Variants in FANCM observed in about 807,000 individuals in gnomAD.
FANCM encodes the protein Fanconi anemia group M protein.
A neutral mutation model predicts 199.5 loss-of-function variants in FANCM; 140 were observed. The ratio of observed to expected loss-of-function variants is 0.70; its 90% confidence interval spans 0.61 to 0.81. The LOEUF is 0.81. Ranked by LOEUF, FANCM falls within the 30% of genes least tolerant of loss-of-function variation. The pLI, the probability that FANCM is intolerant of heterozygous loss-of-function variation, is 0.00. For synonymous variants in FANCM, 840 were observed against 836.8 expected, an observed-to-expected ratio of 1.00 and a Z score of -0.07; for missense variants, 2,410 against 2,421.4, an observed-to-expected ratio of 1.00 and a Z score of 0.10.
At chr14:45,181,557 A>G (rs1889071095) in intron 15 of FANCM, 33 bp downstream of exon 15, 2 of 1,517,522 alleles carry the variant, frequency 1.3e-6, no homozygotes, top group Non-Finnish European at 1.8e-6. Context: ...TAGTATAATC[A>G]TATCAAAGGC....
intron 18 of FANCM, among the ~76,000 whole-genome samples, chr14:45,185,702 G>A (rs572547510): frequency 4.0e-4 from 61 of 152,136 alleles, no homozygotes; most frequent in Non-Finnish European, 8.4e-4. Context: ...GAACAAAATA[G>A]ACAAAAAATT....
At chr14:45,193,874 T>G (rs998403846) in intron 20 of FANCM, among the ~76,000 whole-genome samples, 3 of 152,224 alleles carry the variant, frequency 2.0e-5, no homozygotes, top group African/African-American at 7.2e-5. Flanking sequence ...AAACAGATTG[T>G]GTTGAATCCA....
Position 45,164,397 on chromosome 14 carries a change from G to A in FANCM, c.1620G>A (p.Leu540=). Residue 540 remains leucine (L), a synonymous_variant, in exon 10 of 23, where the codon CTG becomes CTA. Transcript: ENST00000267430. ...TTCGTGACGGTGGTTACAACACGCT[G>A]GTTTCTACCTGTGTGGGTGAAGAAG... ...KQFRDGGYNT[L]VSTCVGEEGL... The A allele has an allele frequency of 6.2e-7, 1 of 1,613,342 alleles. No homozygotes were observed.
chr14:45,190,205 G>A (rs541671843), intron 20 of FANCM, among the ~76,000 whole-genome samples: 1 of 152,008 alleles, frequency 6.6e-6, no homozygotes, highest in South Asian at 2.1e-4. Flanking sequence ...CGTTTTTAAG[G>A]GTTTATAGTT....
intron 10 of FANCM, among the ~76,000 whole-genome samples, chr14:45,164,907 T>A (rs369990267): frequency 3.8e-4 from 58 of 152,342 alleles, no homozygotes; most frequent in African/African-American, 1.3e-3. Context: ...CTTTCTGAAC[T>A]ATAGTAAACT....
chr14:45,144,309 T>TCCCCCC (rs1886202866), intron 3 of FANCM, among the ~76,000 whole-genome samples: 1 of 146,384 alleles, frequency 6.8e-6, no homozygotes, highest in Non-Finnish European at 1.5e-5. Context: ...TAGTGTCCCC[T>TCCCCCC]CCACCCCCCT....
At chr14:45,138,473 T>C (rs1434144419) in intron 2 of FANCM, among the ~76,000 whole-genome samples, 6 of 152,150 alleles carry the variant, frequency 3.9e-5, no homozygotes, top group Non-Finnish European at 7.4e-5. Context: ...TTCCACTTAT[T>C]GATATCATTC....
intron 21 of FANCM, 116 bp downstream of exon 21, chr14:45,196,663 G>A (rs1375746452): frequency 4.2e-6 from 4 of 960,688 alleles, no homozygotes; most frequent in East Asian, 2.5e-5. Context: ...CACCTGACTG[G>A]TGAATGTCAT....
intron 14 of FANCM, among the ~76,000 whole-genome samples, chr14:45,178,927 A>G (rs1280688495): frequency 6.6e-6 from 1 of 152,144 alleles, no homozygotes; most frequent in Non-Finnish European, 1.5e-5. Flanking sequence ...GGCCTGGCGC[A>G]ATGGCTCATG....
At chr14:45,146,457 C>A (rs900475169) in intron 3 of FANCM, among the ~76,000 whole-genome samples, 4 of 152,056 alleles carry the variant, frequency 2.6e-5, no homozygotes, top group Admixed American at 1.3e-4. Context: ...TTAACTCTTG[C>A]AAGCTGCAAG....
At chr14:45,160,718 T>G (rs969652446) in intron 9 of FANCM, among the ~76,000 whole-genome samples, 20 of 152,164 alleles carry the variant, frequency 1.3e-4, no homozygotes, top group African/African-American at 4.6e-4. Flanking sequence ...ATTTTTTGTA[T>G]TTTTAATAGA....
At position 45,137,069 on chromosome 14, in the gene FANCM, G is replaced by C. The variant is rs979529277; in HGVS notation, c.509G>C (p.Gly170Ala). Residue 170 changes from glycine (G) to alanine (A), a missense_variant and splice_region_variant, in exon 2 of 23, where the codon GGG (glycine) becomes GCG (alanine). By Grantham distance (60) the Gly-to-Ala change is moderately conservative (BLOSUM62 0). Transcript: ENST00000267430. ...TGTAGAATGTCACTTTTATTTTCAGGGTCTACACAAGCTTCCACCAGGAAG... is the reference window on the plus strand; with the variant it reads ...TGTAGAATGTCACTTTTATTTTCAGCGTCTACACAAGCTTCCACCAGGAAG... ...IPQSHMAEMT[G>A]STQASTRKEI... 1 of 1,608,242 alleles carries C rather than the reference G, an allele frequency of 6.2e-7. No homozygotes were observed. The highest frequency in any genetic ancestry group is 1.3e-5 in the African/African-American group (1 of 74,654).
chr14:45,171,543 C>T (rs1888341160), intron 12 of FANCM, among the ~76,000 whole-genome samples: 1 of 152,084 alleles, frequency 6.6e-6, no homozygotes, highest in African/African-American at 2.4e-5. Flanking sequence ...GTCCTCATAG[C>T]TTAGCTCTTA....
intron 20 of FANCM, 39 bp downstream of exon 20, chr14:45,189,401 A>G (rs755325243): frequency 1.4e-6 from 2 of 1,460,480 alleles, no homozygotes; most frequent in East Asian, 4.5e-5. Context: ...TTAGATGGTT[A>G]CCAGAAGTTT....
chr14:45,170,341 A>G (rs1381688878), intron 11 of FANCM, among the ~76,000 whole-genome samples: 1 of 152,240 alleles, frequency 6.6e-6, no homozygotes, highest in Non-Finnish European at 1.5e-5. Flanking sequence ...AACCTGGGCA[A>G]CATATCAAGA....
At chr14:45,148,315 C>G (rs1886575360) in intron 3 of FANCM, among the ~76,000 whole-genome samples, 1 of 151,816 alleles carries the variant, frequency 6.6e-6, no homozygotes, top group African/African-American at 2.4e-5. Flanking sequence ...CTGTCAGTAC[C>G]ATAGTCTCCT....
At chr14:45,151,632 T>C (rs1424635108) in intron 5 of FANCM, 104 bp downstream of exon 5, 3 of 1,100,618 alleles carry the variant, frequency 2.7e-6, no homozygotes, top group Admixed American at 1.9e-5. Context: ...TCATCAATAA[T>C]TGAAAAATGA....
chr14:45,148,601 G>A (rs181515970), intron 3 of FANCM, among the ~76,000 whole-genome samples: 34 of 152,040 alleles, frequency 2.2e-4, no homozygotes, highest in African/African-American at 6.0e-4. Context: ...CTTATTTCTC[G>A]GATGCTTGGC....
intron 11 of FANCM, 38 bp downstream of exon 11, chr14:45,167,201 CT>C: frequency 1.7e-6 from 2 of 1,162,452 alleles, no homozygotes; most frequent in Admixed American, 1.7e-5. Flanking sequence ...CATTTTTCCC[CT>C]GTTCTTACTT....
Sources: gnomAD v4.1 joint callset for allele counts (sites outside exome capture counted in the v4.1 genomes callset) on GRCh38, gnomAD v4.1.1 for gene constraint, MANE v1.5 for transcripts, NCBI Gene and HGNC (gene_info 2026-07-23, HGNC 2026-07-21) for gene names.